MED12L: variants seen among roughly 807,000 people sequenced by gnomAD.
MED12L encodes the protein mediator of RNA polymerase II transcription subunit 12-like protein.
MED12L carries 60 observed loss-of-function variants against 281.3 expected under a neutral mutation model. The observed-to-expected ratio is 0.21, with a 90% CI of 0.17 to 0.26. The LOEUF is 0.26. MED12L is among the 10% of genes least tolerant of loss of function. The pLI is 1.00. For missense variants in MED12L, 2,146 were observed against 2,680.9 expected, an observed-to-expected ratio of 0.80 and a Z score of 4.41; for synonymous variants, 974 against 987.2, an observed-to-expected ratio of 0.99 and a Z score of 0.25.
chr3:151,190,882 G>A lies in MED12L; in HGVS notation c.1919G>A (p.Gly640Glu). The change falls in exon 14 of 45, where the codon GGG becomes GAG. Residue 640 changes from glycine to glutamate, a missense_variant. Transcript: ENST00000687756. Reference sequence around the variant, plus strand: ...TCAACTCGGCCGCGGTCACCAGTAGGGGAAAATGCAGATGAACACTATTCA... The same window carrying A: ...TCAACTCGGCCGCGGTCACCAGTAGAGGAAAATGCAGATGAACACTATTCA... ...TASTRPRSPV[G>E]ENADEHYSKD... 6.2e-7 allele frequency: 1 copy of A among 1,614,132 alleles called. No individual in the cohort carries two copies. The highest frequency in any genetic ancestry group is 1.1e-5 in the South Asian group (1 of 91,080).
chr3:151,147,516 TC>T (rs1055016741), intron 5 of MED12L, among the ~76,000 whole-genome samples: 34 of 152,348 alleles, frequency 2.2e-4, no homozygotes, highest in Middle Eastern at 3.4e-3. Flanking sequence ...GAGCAGTCAC[TC>T]CCCATTTGCC....
At position 151,385,014 on chromosome 3, in the gene MED12L, TC is replaced by T; in HGVS notation, c.4927-15del. 1 of 1,324,716 alleles carries T rather than the reference TC, an allele frequency of 7.5e-7. No individual in the cohort carries two copies. Among genetic ancestry groups the T allele is most frequent in the Admixed American group, 1.7e-5 (1 of 57,958 alleles). The allele number at this position is 1,324,716 out of a possible 1,614,324, so 82.1% of individuals were successfully genotyped here. On this transcript the variant is annotated splice_polypyrimidine_tract_variant and intron_variant, in intron 35 of 44. Transcript: ENST00000687756. ...TGTCCCACTTCTCACTCTCTCTCTCTCTCTTTTTTCTTTAGAAAGAGCTAGG... is the reference window on the plus strand; with the variant it reads ...TGTCCCACTTCTCACTCTCTCTCTCTTCTTTTTTCTTTAGAAAGAGCTAGG...
intron 43 of MED12L, among the ~76,000 whole-genome samples, chr3:151,418,730 A>T (rs1366983162): frequency 6.6e-6 from 1 of 152,222 alleles, no homozygotes; most frequent in Non-Finnish European, 1.5e-5. Context: ...TTAATAATTT[A>T]TGAGAATAGT....
intron 16 of MED12L, chr3:151,316,882 G>T (rs555909977): frequency 3.9e-5 from 6 of 152,106 alleles, no homozygotes; most frequent in African/African-American, 1.4e-4. Flanking sequence ...GAGATTTGTC[G>T]ACTGGGGAAG....
intron 17 of MED12L, among the ~76,000 whole-genome samples, chr3:151,354,635 T>C (rs1383044659): frequency 6.6e-6 from 1 of 152,204 alleles, no homozygotes; most frequent in Non-Finnish European, 1.5e-5. Flanking sequence ...AAAGGCACTT[T>C]TTATGATAGC....
chr3:151,236,776 A>G (rs1184513997), intron 16 of MED12L, among the ~76,000 whole-genome samples: 1 of 152,190 alleles, frequency 6.6e-6, no homozygotes, highest in Non-Finnish European at 1.5e-5. Context: ...GATTTCATAT[A>G]TATCGTACAC....
chr3:151,341,126 A>G (rs575579072), intron 16 of MED12L, among the ~76,000 whole-genome samples: 1 of 152,276 alleles, frequency 6.6e-6, no homozygotes, highest in East Asian at 1.9e-4. Context: ...TGTGTACAAC[A>G]CTGGGTGATG....
chr3:151,175,489 C>CTCCTTTTTA (rs1341588273), intron 11 of MED12L, among the ~76,000 whole-genome samples: 4 of 152,210 alleles, frequency 2.6e-5, no homozygotes, highest in African/African-American at 9.6e-5. Flanking sequence ...TTTTCCCCCA[C>CTCCTTTTTA]TCCTTTTTAT....
chr3:151,164,107 G>T, intron 9 of MED12L, 65 bp downstream of exon 9: 1 of 1,548,664 alleles, frequency 6.5e-7, no homozygotes, highest in Non-Finnish European at 8.8e-7. Context: ...GGGCACAGTG[G>T]GTCAAGCACA....
intron 16 of MED12L, among the ~76,000 whole-genome samples, chr3:151,203,437 G>A (rs953319586): frequency 2.7e-5 from 4 of 149,498 alleles, no homozygotes; most frequent in Non-Finnish European, 5.9e-5. Context: ...AGTATCCAAG[G>A]TATGTTTTGT....
chr3:151,378,246 G>T, intron 31 of MED12L, 73 bp downstream of exon 31: 1 of 1,413,910 alleles, frequency 7.1e-7, no homozygotes, highest in Non-Finnish European at 9.4e-7. Flanking sequence ...CTGTAAACCT[G>T]TGTGGTCACT....
intron 16 of MED12L, among the ~76,000 whole-genome samples, chr3:151,253,069 A>G (rs77188322): frequency 8.9e-4 from 136 of 152,268 alleles, no homozygotes; most frequent in African/African-American, 3.2e-3. Flanking sequence ...CTGTCTTTTG[A>G]GTTCAACACT....
intron 16 of MED12L, among the ~76,000 whole-genome samples, chr3:151,290,011 C>T (rs972155895): frequency 6.6e-6 from 1 of 152,054 alleles, no homozygotes; most frequent in African/African-American, 2.4e-5. Flanking sequence ...CTGCTTCAAC[C>T]TCCTGAGTAA....
chr3:151,204,208 T>A (rs940235781), intron 16 of MED12L, among the ~76,000 whole-genome samples: 7 of 152,212 alleles, frequency 4.6e-5, no homozygotes, highest in Non-Finnish European at 1.0e-4. Flanking sequence ...TGGTTTCTTT[T>A]AATAATACTT....
At chr3:151,339,025 A>G (rs1751433750) in intron 16 of MED12L, among the ~76,000 whole-genome samples, 2 of 152,174 alleles carry the variant, frequency 1.3e-5, no homozygotes, top group East Asian at 1.9e-4. Flanking sequence ...AAAATATTTC[A>G]TTGCAGCAAA....
intron 2 of MED12L, among the ~76,000 whole-genome samples, chr3:151,094,673 A>G (rs541645641): frequency 3.9e-5 from 6 of 152,324 alleles, no homozygotes; most frequent in Non-Finnish European, 5.9e-5. Flanking sequence ...TGACTTAAAA[A>G]TATATATACA....
At chr3:151,338,871 A>G in intron 16 of MED12L, 1 of 1,608,082 alleles carries the variant, frequency 6.2e-7, no homozygotes, top group Non-Finnish European at 8.5e-7. Context: ...TAGAGAACAA[A>G]AGAGAGGATG....
chr3:151,342,526 G>T (rs1292434672), intron 16 of MED12L, among the ~76,000 whole-genome samples: 1 of 152,162 alleles, frequency 6.6e-6, no homozygotes. Flanking sequence ...AAACTCTGGG[G>T]TGCCCCACCC....
intron 43 of MED12L, among the ~76,000 whole-genome samples, chr3:151,419,711 C>G (rs1396214851): frequency 1.3e-5 from 2 of 152,112 alleles, no homozygotes; most frequent in East Asian, 1.9e-4. Flanking sequence ...ATAGTAAGGT[C>G]GTAATTACAG....
Sources: allele counts gnomAD v4.1 joint callset (sites outside exome capture counted in the v4.1 genomes callset), GRCh38; gene constraint gnomAD v4.1.1; transcripts MANE v1.5; gene names NCBI Gene and HGNC (gene_info 2026-07-23, HGNC 2026-07-21).